Variants in HPR observed in about 807,000 individuals in gnomAD.
HPR encodes haptoglobin-related protein.
HPR carries 17 observed loss-of-function variants against 18.5 expected under a neutral mutation model. The ratio of observed to expected loss-of-function variants is 0.92; its 90% CI spans 0.63 to 1.38. The LOEUF is 1.38. HPR is among the 40% of genes most tolerant of loss of function. HPR has a pLI of 0.00. For synonymous variants in HPR, 176 were observed against 165.0 expected, an observed-to-expected ratio of 1.07 and a Z score of -0.51; for missense variants, 457 against 432.4, an observed-to-expected ratio of 1.06 and a Z score of -0.51.
intron 1 of HPR, among the ~76,000 whole-genome samples, chr16:72,064,268 T>C (rs1307179816): frequency 6.6e-6 from 1 of 152,222 alleles, no homozygotes; most frequent in Non-Finnish European, 1.5e-5. Context: ...TTTAAAATTA[T>C]TGTTAAATAC....
chr16:72,069,816 A>G (rs558169085), intron 1 of HPR, among the ~76,000 whole-genome samples: 11 of 152,186 alleles, frequency 7.2e-5, no homozygotes, highest in African/African-American at 1.9e-4. Context: ...AATGCCCCCA[A>G]TTGGTCATTT....
chr16:72,073,770 G>C (rs2041682369), intron 1 of HPR, 122 bp from the exon 2 acceptor site: 5 of 1,590,328 alleles, frequency 3.1e-6, no homozygotes, highest in South Asian at 1.1e-5. Context: ...GGAGGAGTGT[G>C]TGTGTATGCA....
At chr16:72,068,343 T>C (rs1007269716) in intron 1 of HPR, among the ~76,000 whole-genome samples, 1 of 152,116 alleles carries the variant, frequency 6.6e-6, no homozygotes, top group Non-Finnish European at 1.5e-5. Flanking sequence ...AATCGTGTCC[T>C]TACCCTTGCC....
intron 1 of HPR, among the ~76,000 whole-genome samples, chr16:72,068,793 C>T (rs1266302698): frequency 6.6e-6 from 1 of 152,070 alleles, no homozygotes; most frequent in Non-Finnish European, 1.5e-5. Flanking sequence ...GCACACCCCA[C>T]CAAGTTAGAG....
chr16:72,073,269 C>T (rs1454313196), intron 1 of HPR, among the ~76,000 whole-genome samples: 3 of 152,192 alleles, frequency 2.0e-5, no homozygotes, highest in Admixed American at 6.5e-5. Context: ...GCAACCGAAC[C>T]TATGAGGAGC....
chr16:72,068,677 G>A (rs2041623023), intron 1 of HPR, among the ~76,000 whole-genome samples: 1 of 152,114 alleles, frequency 6.6e-6, no homozygotes, highest in South Asian at 2.1e-4. Context: ...AAAAATTTTG[G>A]ACCTGGTCAC....
chr16:72,069,414 G>C (rs1174490192), intron 1 of HPR, among the ~76,000 whole-genome samples: 1 of 152,110 alleles, frequency 6.6e-6, no homozygotes, highest in Admixed American at 6.6e-5. Flanking sequence ...TGTTTCCTCC[G>C]AAACACCTAT....
At chr16:72,072,407 T>C (rs2041667266) in intron 1 of HPR, among the ~76,000 whole-genome samples, 1 of 152,176 alleles carries the variant, frequency 6.6e-6, no homozygotes, top group African/African-American at 2.4e-5. Flanking sequence ...GCATTAGACA[T>C]GATACCAGCG....
At chr16:72,074,096 C>T (rs532197171) in intron 2 of HPR, 119 bp downstream of exon 2, 868 of 1,437,978 alleles carry the variant, frequency 6.0e-4, no homozygotes, top group Non-Finnish European at 7.8e-4. Flanking sequence ...ATCCTGACCT[C>T]TGGGCTTTCA....
chr16:72,068,581 C>T (rs1168078005), intron 1 of HPR, among the ~76,000 whole-genome samples: 1 of 152,120 alleles, frequency 6.6e-6, no homozygotes, highest in African/African-American at 2.4e-5. Context: ...TACACTTCAC[C>T]TTTTCGTCAG....
chr16:72,069,832 A>G (rs966512151), intron 1 of HPR, among the ~76,000 whole-genome samples: 1 of 152,194 alleles, frequency 6.6e-6, no homozygotes, highest in African/African-American at 2.4e-5. Flanking sequence ...CATTTAAAAT[A>G]CTTATTAGTA....
rs563170452 is a variant in HPR at position 72,073,991 on chromosome 16, T to C, written c.91+14T>C. The stretch of plus-strand genomic sequence containing the variant: ...CGGATATTTCAGGTCAGTCTTTGAG[T>C]TGGGTAGGAGCATGCATCCCTGGCA... On this transcript the variant is annotated intron_variant, in intron 2 of 4. Transcript: ENST00000540303. The C allele has an allele frequency of 2.0e-5, 32 of 1,613,772 alleles. No homozygotes were observed. Among genetic ancestry groups the C allele is most frequent in the South Asian group, 4.4e-5 (4 of 91,056 alleles).
chr16:72,074,110 C>A, intron 2 of HPR, 133 bp downstream of exon 2: 1 of 1,346,874 alleles, frequency 7.4e-7, no homozygotes, highest in Non-Finnish European at 1.0e-6. Context: ...GCTTTCAGGA[C>A]TGCCAAGAAC....
At chr16:72,064,758 A>T (rs1386013604) in intron 1 of HPR, among the ~76,000 whole-genome samples, 1 of 152,172 alleles carries the variant, frequency 6.6e-6, no homozygotes, top group Non-Finnish European at 1.5e-5. Flanking sequence ...TCTTTGCAGC[A>T]CCGAGCATTT....
rs2144074567 is a variant in HPR at position 72,074,279 on chromosome 16, T to C, written c.92-5T>C. The C allele has an allele frequency of 6.2e-7, 1 of 1,612,712 alleles. No individual in the cohort carries two copies. Among genetic ancestry groups the C allele is most frequent in the East Asian group, 2.2e-5 (1 of 44,786 alleles). On this transcript the variant is annotated splice_region_variant and splice_polypyrimidine_tract_variant and intron_variant, in intron 2 of 4. Transcript: ENST00000540303. ...GTAAACTCTCTGGCTTCTCTCTCTTTGCAGATGACCGCTTCCCGAAGCCCC... is the reference window on the plus strand; with the variant it reads ...GTAAACTCTCTGGCTTCTCTCTCTTCGCAGATGACCGCTTCCCGAAGCCCC...
rs761475065 is a variant in HPR, at chr16:72,076,902, G to A, written c.868G>A (p.Glu290Lys). Residue 290 changes from glutamate to lysine, a missense_variant, in exon 5 of 5, where the codon GAA becomes AAA. Physicochemically the swap from Glu to Lys is moderately conservative, Grantham distance 56. Coordinates refer to ENST00000540303, the MANE Select transcript of HPR (RefSeq NM_020995.4). Reference protein sequence around the residue: ...TFCVGMSKYQEDTCYGDAGSA... With the variant: ...TFCVGMSKYQKDTCYGDAGSA... ...CTGTGTCGGCATGTCTAAGTACCAG[G>A]AAGACACCTGCTATGGCGATGCGGG... 3.7e-6 allele frequency: 6 copies of A among 1,614,122 alleles called. No homozygotes were observed. Among genetic ancestry groups the A allele is most frequent in the Non-Finnish European group, 4.2e-6 (5 of 1,180,050 alleles).
intron 1 of HPR, among the ~76,000 whole-genome samples, chr16:72,066,361 G>C (rs2041598096): frequency 6.6e-6 from 1 of 152,166 alleles, no homozygotes; most frequent in African/African-American, 2.4e-5. Flanking sequence ...GAGGAAAGAA[G>C]CATGATCCGT....
chr16:72,072,700 T>C (rs541340708), intron 1 of HPR, among the ~76,000 whole-genome samples: 2 of 152,264 alleles, frequency 1.3e-5, no homozygotes, highest in South Asian at 2.1e-4. Flanking sequence ...CTAGGATTAA[T>C]ACAAAAGCTC....
rs190219742 is a variant in HPR at position 72,072,333 on chromosome 16, T to C, written c.6-1559T>C. Among the ~76,000 whole-genome samples, 354 of 152,310 alleles carry C rather than the reference T, an allele frequency of 2.3e-3. 1 individual carries two copies. Among genetic ancestry groups the C allele is most frequent in the Non-Finnish European group, 4.1e-3 (277 of 68,048 alleles). ...TATGATTTGTTAATTATACTAGAGA[T>C]GCTCTTAAAGGGACAGCTGAACAAT... On this transcript the variant is annotated intron_variant, in intron 1 of 4. Transcript: ENST00000540303.
Sources: allele counts gnomAD v4.1 joint callset (sites outside exome capture counted in the v4.1 genomes callset), GRCh38; gene constraint gnomAD v4.1.1; transcripts MANE v1.5; gene names NCBI Gene and HGNC (gene_info 2026-07-23, HGNC 2026-07-21).